The following DNAJA2 variants were observed in gnomAD, a reference collection of about 807,000 sequenced individuals.
DNAJA2 encodes dnaJ homolog subfamily A member 2.
A neutral mutation model predicts 49.3 loss-of-function variants in DNAJA2; 6 were observed. The observed-to-expected ratio is 0.12, with a 90% CI of 0.07 to 0.24. The LOEUF is 0.24. Among genes scored for constraint, DNAJA2 ranks in the 10% least tolerant of loss-of-function variants. The pLI is 1.00. For synonymous variants in DNAJA2, 160 were observed against 172.7 expected, an observed-to-expected ratio of 0.93 and a Z score of 0.58; for missense variants, 347 against 516.8, an observed-to-expected ratio of 0.67 and a Z score of 3.19.
In DNAJA2 at chr16:46,959,129, C is replaced by T. The variant is rs142308620; in HGVS notation, c.921G>A (p.Gly307=). ...CTTCACCTCGAACTACACGAACACA[C>T]CCTATTATTTAAGAGGAAATGATTA... ...KYPPGKVIEP[G]CVRVVRGEGM... The change falls in exon 8 of 9, where the codon GGG becomes GGA. Residue 307 remains glycine, a splice_region_variant and synonymous_variant. Coordinates refer to ENST00000317089, the MANE Select transcript of DNAJA2 (RefSeq NM_005880.4). 258 of 1,599,132 alleles carry T rather than the reference C, an allele frequency of 1.6e-4. No homozygotes were observed. In the African/African-American group the frequency reaches 3.0e-3, roughly 19 times the overall value.
At chr16:46,970,761 G>A (rs866565833) in intron 3 of DNAJA2, among the ~76,000 whole-genome samples, 25 of 39,372 alleles carry the variant, frequency 6.3e-4, no homozygotes, top group Non-Finnish European at 1.5e-3. Context: ...AAAAAAGGTC[G>A]GGCACAGTGG....
chr16:46,967,417 A>G, intron 5 of DNAJA2, 96 bp downstream of exon 5: 1 of 1,502,040 alleles, frequency 6.7e-7, no homozygotes, highest in South Asian at 1.3e-5. Context: ...TAAGATGTAT[A>G]CAAATACCCT....
intron 6 of DNAJA2, among the ~76,000 whole-genome samples, chr16:46,961,674 TTA>T (rs1473398282): frequency 6.6e-6 from 1 of 151,544 alleles, no homozygotes; most frequent in Admixed American, 6.6e-5. Context: ...TAAAAAATGA[TTA>T]TGATTATCAG....
rs185823445 is a variant in DNAJA2 at position 46,964,102 on chromosome 16, G to A, written c.774+509C>T. On this transcript the variant is annotated intron_variant, in intron 6 of 8. Coordinates refer to ENST00000317089, the MANE Select transcript of DNAJA2 (RefSeq NM_005880.4). ...CACAAAAAAGACCAAGGCCAGGCGC[G>A]GTGGCTCCCGCTTTTAATCCCAGCA... Among the ~76,000 whole-genome samples the A allele has an allele frequency of 5.9e-5, 9 of 152,158 alleles. No individual in the cohort carries two copies. The East Asian group carries it at 1.2e-3, about 20-fold the overall frequency.
chr16:46,968,056 T>C (rs1961998342), intron 4 of DNAJA2, 28 bp downstream of exon 4: 5 of 1,542,808 alleles, frequency 3.2e-6, no homozygotes, highest in Non-Finnish European at 4.4e-6. Context: ...AGACAAAATG[T>C]ACCCAATAAA....
intron 6 of DNAJA2, among the ~76,000 whole-genome samples, chr16:46,962,281 G>T (rs1457540777): frequency 6.6e-6 from 1 of 152,038 alleles, no homozygotes; most frequent in Non-Finnish European, 1.5e-5. Context: ...CAAATCCAAT[G>T]ATCTACTTTT....
intron 4 of DNAJA2, 73 bp downstream of exon 4, chr16:46,968,011 G>T: frequency 7.4e-7 from 1 of 1,345,576 alleles, no homozygotes; most frequent in Non-Finnish European, 1.0e-6. Flanking sequence ...CAATTTTTAC[G>T]TGGTACAGAC....
chr16:46,966,918 G>A (rs2143654955), intron 5 of DNAJA2, among the ~76,000 whole-genome samples: 1 of 152,224 alleles, frequency 6.6e-6, no homozygotes, highest in Admixed American at 6.5e-5. Context: ...CCTACAGAGA[G>A]AGTAAATAAA....
rs1325712376 is a variant in DNAJA2 at position 46,955,983 on chromosome 16, TAATC to T, written c.*1042_*1045del. The T allele has an allele frequency of 6.6e-6, 1 of 152,222 alleles. No homozygotes were observed. Among genetic ancestry groups the T allele is most frequent in the Non-Finnish European group, 1.5e-5 (1 of 68,038 alleles). 9.4% of individuals were successfully genotyped at this position (152,222 alleles called of 1,614,324 possible). ...AAAACATTACAGAAACTCAAAATAA[TAATC>T]AATGGCTTCTCCAATTCCAAATATT... On this transcript the variant is annotated 3_prime_UTR_variant, in exon 9 of 9. Transcript: ENST00000317089.
At chr16:46,968,233 G>T in intron 3 of DNAJA2, 69 bp from the exon 4 acceptor site, 1 of 1,008,342 alleles carries the variant, frequency 9.9e-7, no homozygotes, top group Non-Finnish European at 1.5e-6. Context: ...ATAAGTAACA[G>T]CTGATACAGC....
chr16:46,967,981 C>T (rs1362765622), intron 4 of DNAJA2, 103 bp downstream of exon 4: 2 of 1,144,494 alleles, frequency 1.7e-6, no homozygotes, highest in African/African-American at 3.1e-5. Context: ...CCGCACCCAG[C>T]CGTAAGTTTT....
chr16:46,969,882 A>G (rs1282619042), intron 3 of DNAJA2, among the ~76,000 whole-genome samples: 4 of 152,188 alleles, frequency 2.6e-5, no homozygotes, highest in Admixed American at 2.6e-4. Flanking sequence ...CACTCTTTTG[A>G]CCCTATTTTC....
At chr16:46,972,019 C>T in intron 1 of DNAJA2, 64 bp from the exon 2 acceptor site, 1 of 1,103,888 alleles carries the variant, frequency 9.1e-7, no homozygotes, top group Admixed American at 1.8e-5. Flanking sequence ...TTTGTAATAA[C>T]TTAATATCCA....
chr16:46,973,143 G>C (rs1426725685), intron 1 of DNAJA2, among the ~76,000 whole-genome samples: 1 of 152,174 alleles, frequency 6.6e-6, no homozygotes, highest in African/African-American at 2.4e-5. Context: ...GTTTTTCCGG[G>C]GTGGTGACCT....
At chr16:46,962,378 CA>C (rs571055213) in intron 6 of DNAJA2, among the ~76,000 whole-genome samples, 1 of 148,992 alleles carries the variant, frequency 6.7e-6, no homozygotes, top group Admixed American at 6.7e-5. Flanking sequence ...TGCCTCAAAC[CA>C]AAAAAAAGTC....
intron 6 of DNAJA2, among the ~76,000 whole-genome samples, chr16:46,960,677 G>A (rs531924295): frequency 6.6e-6 from 1 of 152,256 alleles, no homozygotes; most frequent in South Asian, 2.1e-4. Context: ...TACTTAGGAG[G>A]CTGCGGCAGG....
At chr16:46,958,151 A>T (rs1961842778) in intron 8 of DNAJA2, among the ~76,000 whole-genome samples, 1 of 151,954 alleles carries the variant, frequency 6.6e-6, no homozygotes, top group Admixed American at 6.6e-5. Context: ...ACATCTCTAT[A>T]AAAAGTTTTA....
intron 2 of DNAJA2, 126 bp downstream of exon 2, chr16:46,971,770 G>A: frequency 5.2e-6 from 5 of 969,338 alleles, no homozygotes; most frequent in South Asian, 2.7e-5. Flanking sequence ...AAATACTCTT[G>A]ACATTATGAA....
chr16:46,957,051 C>T lies in DNAJA2; in HGVS notation c.1217G>A (p.Gly406Glu). 6.2e-7 allele frequency: 1 copy of T among 1,614,186 alleles called. No individual in the cohort carries two copies. The highest frequency in any genetic ancestry group is 8.5e-7 in the Non-Finnish European group (1 of 1,180,036). The part of the protein sequence containing the change: ...DEESSSHHGP[G>E]VQCAHQ ...AGTTTACTGATGGGCACACTGCACT[C>T]CAGGTCCATGATGGCTGCTGCTTTC... The change falls in exon 9 of 9, where the codon GGA becomes GAA. Residue 406 changes from glycine to glutamate, a missense_variant. Coordinates refer to ENST00000317089, the MANE Select transcript of DNAJA2 (RefSeq NM_005880.4).
Sources: gnomAD v4.1 joint callset for allele counts (sites outside exome capture counted in the v4.1 genomes callset) on GRCh38, gnomAD v4.1.1 for gene constraint, MANE v1.5 for transcripts, NCBI Gene and HGNC (gene_info 2026-07-23, HGNC 2026-07-21) for gene names.